Variants in SLC25A21 observed in about 807,000 individuals in gnomAD.
SLC25A21 encodes solute carrier family 25 member 21, also known as mitochondrial 2-oxodicarboxylate carrier.
In SLC25A21, 47 loss-of-function variants were observed where a neutral mutation model predicts 43.8. That is an observed-to-expected ratio of 1.07 (90% CI 0.85 to 1.37). SLC25A21 has a LOEUF of 1.37. SLC25A21 is among the 40% of genes most tolerant of loss of function. The pLI is 0.00. For synonymous variants in SLC25A21, 131 were observed against 121.3 expected, an observed-to-expected ratio of 1.08 and a Z score of -0.52; for missense variants, 352 against 350.2, an observed-to-expected ratio of 1.00 and a Z score of -0.04.
At chr14:36,693,811 A>T (rs1028812693) in intron 7 of SLC25A21, among the ~76,000 whole-genome samples, 1 of 151,790 alleles carries the variant, frequency 6.6e-6, no homozygotes, top group African/African-American at 2.4e-5. Flanking sequence ...TTTTTAATTT[A>T]AAAAAAATGT....
At chr14:36,745,123 T>C (rs1334360473) in intron 3 of SLC25A21, among the ~76,000 whole-genome samples, 1 of 152,000 alleles carries the variant, frequency 6.6e-6, no homozygotes, top group Non-Finnish European at 1.5e-5. Flanking sequence ...GATATTTTGC[T>C]GAGAATGATA....
chr14:37,165,882 G>A (rs1378042090), intron 1 of SLC25A21, among the ~76,000 whole-genome samples: 1 of 152,160 alleles, frequency 6.6e-6, no homozygotes, highest in Non-Finnish European at 1.5e-5. Flanking sequence ...GTCTGAGATG[G>A]ACCCATGCTC....
In SLC25A21 at chr14:36,805,615, T is replaced by C. The variant is rs138202564; in HGVS notation, c.203+8303A>G. ...TAAGATAGAAATGCCAAATAATGTA[T>C]CCATGGTCCAACTGCCTGTTGTTTT... is the stretch of plus-strand genomic sequence containing the variant. On this transcript the variant is annotated intron_variant, in intron 3 of 9. Coordinates refer to ENST00000331299, the MANE Select transcript of SLC25A21 (RefSeq NM_030631.4). Among the ~76,000 whole-genome samples, 8 of 152,252 alleles carry C rather than the reference T, an allele frequency of 5.3e-5. No homozygotes were observed. In the East Asian group the frequency reaches 1.6e-3, roughly 30 times the overall value.
chr14:36,983,102 T>TA (rs1414560696), intron 1 of SLC25A21, among the ~76,000 whole-genome samples: 6 of 152,200 alleles, frequency 3.9e-5, no homozygotes, highest in Admixed American at 3.3e-4. Context: ...ATAAAGTTTT[T>TA]AAAAAGAAAA....
At chr14:36,716,917 A>C (rs1884164105) in intron 6 of SLC25A21, among the ~76,000 whole-genome samples, 1 of 152,240 alleles carries the variant, frequency 6.6e-6, no homozygotes, top group African/African-American at 2.4e-5. Context: ...CTCCACATGC[A>C]TTCCTATGGA....
chr14:36,896,677 C>T lies in SLC25A21; in HGVS notation c.71-21673G>A, dbSNP rs559595212. ...GGCATGTTTTTCCAGTGGCTGGTAC[C>T]GGTTGTTCCTTTCCATGTTTAGTAC... is the stretch of plus-strand genomic sequence containing the variant. On this transcript the variant is annotated intron_variant, in intron 1 of 9. Transcript: ENST00000331299. Among the ~76,000 whole-genome samples, 496 of 152,182 alleles carry T rather than the reference C, an allele frequency of 3.3e-3. 4 individuals carry two copies. The highest frequency in any genetic ancestry group is 0.011 in the African/African-American group (466 of 41,534).
At chr14:37,172,137 A>T in intron 1 of SLC25A21, 144 bp downstream of exon 1, 1 of 837,366 alleles carries the variant, frequency 1.2e-6, no homozygotes, top group Non-Finnish European at 1.8e-6. Flanking sequence ...TCGCGCCTCT[A>T]GGGGCTCAAG....
chr14:36,722,403 A>G (rs747381733), intron 6 of SLC25A21, among the ~76,000 whole-genome samples: 1 of 152,208 alleles, frequency 6.6e-6, no homozygotes, highest in Non-Finnish European at 1.5e-5. Context: ...GTACAGCACC[A>G]AGAGTGAGCC....
intron 6 of SLC25A21, among the ~76,000 whole-genome samples, chr14:36,718,862 C>A (rs1884259460): frequency 6.6e-6 from 1 of 152,120 alleles, no homozygotes; most frequent in Non-Finnish European, 1.5e-5. Flanking sequence ...CTAATTATTT[C>A]TTTTTTGGGC....
intron 7 of SLC25A21, among the ~76,000 whole-genome samples, chr14:36,694,837 A>G (rs527688487): frequency 1.3e-5 from 2 of 151,690 alleles, no homozygotes; most frequent in Non-Finnish European, 2.9e-5. Context: ...GATTGCAAAA[A>G]TTTTCTCCCA....
intron 1 of SLC25A21, among the ~76,000 whole-genome samples, chr14:36,988,591 A>G (rs1960196116): frequency 6.6e-6 from 1 of 152,212 alleles, no homozygotes; most frequent in Non-Finnish European, 1.5e-5. Context: ...GGTGACTGGC[A>G]TGGAGTTAAC....
chr14:36,809,467 TTC>T (rs1490831693), intron 3 of SLC25A21, among the ~76,000 whole-genome samples: 1 of 152,160 alleles, frequency 6.6e-6, no homozygotes, highest in Admixed American at 6.5e-5. Flanking sequence ...AGCCATGTCT[TTC>T]ATAAGACATG....
chr14:36,711,890 G>C (rs1338470486), intron 6 of SLC25A21, among the ~76,000 whole-genome samples: 2 of 152,180 alleles, frequency 1.3e-5, no homozygotes, highest in South Asian at 4.1e-4. Context: ...CCTGAATCTA[G>C]TGTATTTACC....
intron 2 of SLC25A21, among the ~76,000 whole-genome samples, chr14:36,869,359 A>T (rs140147228): frequency 3.9e-5 from 6 of 152,174 alleles, no homozygotes; most frequent in Non-Finnish European, 8.8e-5. Context: ...AGGGACAAAG[A>T]GGGTGGAGCA....
At chr14:36,776,470 G>A (rs1886839195) in intron 3 of SLC25A21, among the ~76,000 whole-genome samples, 1 of 151,482 alleles carries the variant, frequency 6.6e-6, no homozygotes, top group Non-Finnish European at 1.5e-5. Context: ...GATTTCCTGA[G>A]CTCGTGATCC....
intron 3 of SLC25A21, among the ~76,000 whole-genome samples, chr14:36,739,613 G>A (rs1459433091): frequency 6.6e-6 from 1 of 151,390 alleles, no homozygotes; most frequent in Non-Finnish European, 1.5e-5. Flanking sequence ...GGGAGGTGGA[G>A]GTTGCAGTGA....
chr14:36,865,018 CT>C (rs1890174201), intron 2 of SLC25A21, among the ~76,000 whole-genome samples: 1 of 151,424 alleles, frequency 6.6e-6, no homozygotes, highest in African/African-American at 2.4e-5. Context: ...AGATTCCTTT[CT>C]TTTCTTTCTT....
At chr14:37,120,123 A>C (rs75463490) in intron 1 of SLC25A21, among the ~76,000 whole-genome samples, 2,017 of 152,328 alleles carry the variant, frequency 0.013, 24 homozygotes, top group Non-Finnish European at 0.021. Flanking sequence ...TTAATAATTC[A>C]AAACGTCAAG....
At chr14:36,931,377 T>C (rs1303779798) in intron 1 of SLC25A21, among the ~76,000 whole-genome samples, 2 of 151,968 alleles carry the variant, frequency 1.3e-5, no homozygotes, top group Non-Finnish European at 2.9e-5. Flanking sequence ...GTATGAAGGG[T>C]TGGAGTGTCC....
Sources: allele counts gnomAD v4.1 joint callset (sites outside exome capture counted in the v4.1 genomes callset), GRCh38; gene constraint gnomAD v4.1.1; transcripts MANE v1.5; gene names NCBI Gene and HGNC (gene_info 2026-07-23, HGNC 2026-07-21).